The following CACNA1B variants were observed in gnomAD, a reference collection of about 807,000 sequenced individuals.
CACNA1B encodes the protein voltage-dependent N-type calcium channel subunit alpha-1B.
CACNA1B carries 70 observed loss-of-function variants against 247.2 expected under a neutral mutation model. The ratio of observed to expected loss-of-function variants is 0.28; its 90% CI spans 0.23 to 0.35. The LOEUF (loss-of-function observed/expected upper bound fraction) is 0.35. Ranked by LOEUF, CACNA1B falls within the 10% of genes least tolerant of loss-of-function variation. The pLI is 1.00. For missense variants in CACNA1B, 2,367 were observed against 3,197.4 expected, an observed-to-expected ratio of 0.74 and a Z score of 6.26; for synonymous variants, 1,231 against 1,294.4, an observed-to-expected ratio of 0.95 and a Z score of 1.05.
At chr9:138,060,390 C>T (rs1959679493) in intron 31 of CACNA1B, among the ~76,000 whole-genome samples, 1 of 152,078 alleles carries the variant, frequency 6.6e-6, no homozygotes, top group Admixed American at 6.6e-5. Flanking sequence ...AGTTATGTTC[C>T]CAGTAGAAAC....
rs1957863056 is a variant in CACNA1B, at chr9:137,950,171, G to T, written c.967-2103G>T. ...GTGTTCTCCTTACTGCTGGGCGGGG[G>T]TGGCCGGTCTGGCTCCCCACCATGC... On this transcript the variant is annotated intron_variant, in intron 6 of 46. Transcript: ENST00000371372. This position sits in a 1 kb window ranked among gnomAD's most constrained non-coding sequence, Gnocchi z 4.8. Among the ~76,000 whole-genome samples, 1 of 152,180 alleles carries T rather than the reference G, an allele frequency of 6.6e-6. No individual in the cohort carries two copies. The highest frequency in any genetic ancestry group is 2.1e-4 in the South Asian group (1 of 4,832).
chr9:137,991,383 A>G (rs1958430480), intron 15 of CACNA1B, among the ~76,000 whole-genome samples: 1 of 152,236 alleles, frequency 6.6e-6, no homozygotes, highest in South Asian at 2.1e-4. Flanking sequence ...CAGAGACAGA[A>G]GAATTTCAAA....
chr9:137,939,584 G>A (rs1157845939), intron 6 of CACNA1B, among the ~76,000 whole-genome samples: 2 of 151,918 alleles, frequency 1.3e-5, no homozygotes, highest in Non-Finnish European at 2.9e-5. Context: ...TGGATCACGA[G>A]GTCAGGAGAT....
Position 138,024,856 on chromosome 9 carries a change from A to G in CACNA1B, c.3069-99A>G, listed in dbSNP as rs1958900797. 9.9e-6 allele frequency: 8 copies of G among 812,128 alleles called. No homozygotes were observed. In the East Asian group the frequency reaches 2.1e-4, roughly 22 times the overall value. 50.3% of individuals were successfully genotyped at this position (812,128 alleles called of 1,614,324 possible). On this transcript the variant is annotated intron_variant, in intron 19 of 46. Coordinates refer to ENST00000371372, the MANE Select transcript of CACNA1B (RefSeq NM_000718.4). ...GCCATATTCCCCAGGCTGGTCTTGA[A>G]CTCCTGGGCTCAAGTGATCCTCCTG... is the stretch of plus-strand genomic sequence containing the variant.
At chr9:138,006,715 T>G in intron 15 of CACNA1B, 52 bp from the exon 16 acceptor site, 1 of 985,408 alleles carries the variant, frequency 1.0e-6, no homozygotes, top group Non-Finnish European at 1.6e-6. Flanking sequence ...GGTGCGTGTG[T>G]GTGGGGAAGG....
At chr9:138,092,976 A>G (rs2131338053) in intron 36 of CACNA1B, among the ~76,000 whole-genome samples, 1 of 152,340 alleles carries the variant, frequency 6.6e-6, no homozygotes, top group Non-Finnish European at 1.5e-5. Context: ...CAAGTGATTA[A>G]TATCCATTTC....
rs528379840 is a variant in CACNA1B at position 138,073,222 on chromosome 9, T to A, written c.4675-266T>A. Among the ~76,000 whole-genome samples the A allele has an allele frequency of 1.3e-5, 2 of 152,030 alleles. No individual in the cohort carries two copies. Among genetic ancestry groups the A allele is most frequent in the Non-Finnish European group, 2.9e-5 (2 of 67,994 alleles). ...GAACTTTTCTTTCTGTTGCTCACGG[T>A]TGGGGGTGGGGAGGGGCCTTAGAGC... On this transcript the variant is annotated intron_variant, in intron 32 of 46. Transcript: ENST00000371372. This position sits in a 1 kb window ranked among gnomAD's most constrained non-coding sequence, Gnocchi z 6.4.
At chr9:138,095,873 C>G (rs1019550903) in intron 36 of CACNA1B, among the ~76,000 whole-genome samples, 1 of 129,580 alleles carries the variant, frequency 7.7e-6, no homozygotes, top group Non-Finnish European at 1.5e-5. Flanking sequence ...TTGTGTGATT[C>G]CTTTATGTGA....
At chr9:137,936,245 G>A (rs1008373547) in intron 6 of CACNA1B, among the ~76,000 whole-genome samples, 2 of 152,214 alleles carry the variant, frequency 1.3e-5, no homozygotes, top group African/African-American at 4.8e-5. Context: ...GATGACCAGT[G>A]ATGATGAGCG....
At chr9:138,044,028 G>A (rs980719477) in intron 21 of CACNA1B, 128 bp downstream of exon 21, 4 of 1,284,876 alleles carry the variant, frequency 3.1e-6, no homozygotes, top group Non-Finnish European at 2.2e-6. Context: ...AAATCCCATG[G>A]CAGACCCCAG....
chr9:138,105,649 G>T lies in CACNA1B; in HGVS notation c.5320-50G>T, dbSNP rs758600980. 6 of 989,544 alleles carry T rather than the reference G, an allele frequency of 6.1e-6. 1 individual carries two copies. The highest frequency in any genetic ancestry group is 2.7e-5 in the South Asian group (2 of 72,852). 61.3% of individuals were successfully genotyped at this position (989,544 alleles called of 1,614,324 possible). A position where few individuals can be genotyped will look rare whatever the true frequency, so the allele number is the denominator to read the frequency against. ...CCCCATCATTGCGTAGTCTTGGGGT[G>T]GGGGGTGACCCCAGCAGGCCTGGCC... On this transcript the variant is annotated intron_variant, in intron 38 of 46. Coordinates refer to ENST00000371372, the MANE Select transcript of CACNA1B (RefSeq NM_000718.4).
At chr9:138,009,732 G>T (rs1464180204) in intron 16 of CACNA1B, among the ~76,000 whole-genome samples, 1 of 152,214 alleles carries the variant, frequency 6.6e-6, no homozygotes, top group Non-Finnish European at 1.5e-5. Context: ...AAAGAGCTGG[G>T]TTGGGGGAAG....
intron 6 of CACNA1B, among the ~76,000 whole-genome samples, chr9:137,947,707 T>A (rs1158564249): frequency 6.6e-6 from 1 of 152,140 alleles, no homozygotes; most frequent in African/African-American, 2.4e-5. Flanking sequence ...TCTTGGTGGG[T>A]ATAGGTGTCT....
Position 138,050,952 on chromosome 9 carries a change from C to G in CACNA1B, c.3711-1140C>G, listed in dbSNP as rs1310527844. ...TGTAGCTCACTCTCCCTGCTCAGCC[C>G]CAAGTGTTGCTGGAGCCCCAGGAAG... On this transcript the variant is annotated intron_variant, in intron 24 of 46. Coordinates refer to ENST00000371372, the MANE Select transcript of CACNA1B (RefSeq NM_000718.4). The surrounding 1 kb of genome is among the most constrained non-coding windows in gnomAD (Gnocchi z 5.2). Among the ~76,000 whole-genome samples, 1 of 152,104 alleles carries G rather than the reference C, an allele frequency of 6.6e-6. No individual in the cohort carries two copies. The highest frequency in any genetic ancestry group is 1.5e-5 in the Non-Finnish European group (1 of 68,008).
rs550580979 is a variant in CACNA1B, at chr9:137,954,397, C to T, written c.1071-1301C>T. 7.2e-5 allele frequency among the ~76,000 whole-genome samples: 11 copies of T among 152,350 alleles called. No individual in the cohort carries two copies. Among genetic ancestry groups the T allele is most frequent in the East Asian group, 3.9e-4 (2 of 5,176 alleles). On this transcript the variant is annotated intron_variant, in intron 7 of 46. Transcript: ENST00000371372. The surrounding 1 kb of genome is among the most constrained non-coding windows in gnomAD (Gnocchi z 4.1). ...TCCCAGAGAAGCAGAAGAGGTGGCCCCTGTCCTGCCTCTTCTCACCCAGCG... is the reference window on the plus strand; with the variant it reads ...TCCCAGAGAAGCAGAAGAGGTGGCCTCTGTCCTGCCTCTTCTCACCCAGCG...
At chr9:138,106,870 G>A (rs536269446) in intron 39 of CACNA1B, among the ~76,000 whole-genome samples, 1 of 152,302 alleles carries the variant, frequency 6.6e-6, no homozygotes, top group Admixed American at 6.5e-5. Flanking sequence ...CCACATGCTG[G>A]GGGCTCTTCC....
In CACNA1B at chr9:138,023,712, A is replaced by C. The variant is rs1171832690; in HGVS notation, c.2969A>C (p.Glu990Ala). Residue 990 changes from glutamate to alanine, a missense_variant, in exon 19 of 47, where the codon GAG becomes GCG. By Grantham distance (107) the Glu-to-Ala change is moderately radical. Transcript: ENST00000371372. ...RARHKAQPAH[E>A]AVEKETTEKE... ...CGGCACAAGGCGCAGCCTGCTCACG[A>C]GGCTGTGGAGAAGGAGACCACGGAG... The C allele has an allele frequency of 2.6e-6, 4 of 1,542,862 alleles. No individual in the cohort carries two copies. In the East Asian group the frequency reaches 7.5e-5, roughly 29 times the overall value.
At chr9:138,067,874 A>C (rs1959975199) in intron 31 of CACNA1B, among the ~76,000 whole-genome samples, 1 of 152,184 alleles carries the variant, frequency 6.6e-6, no homozygotes, top group African/African-American at 2.4e-5. Flanking sequence ...GCATTTTCAC[A>C]CAAGTGTTCC....
At position 138,051,383 on chromosome 9, in the gene CACNA1B, G is replaced by A. The variant is rs1384650108; in HGVS notation, c.3711-709G>A. Among the ~76,000 whole-genome samples the A allele has an allele frequency of 6.6e-6, 1 of 151,398 alleles. No homozygotes were observed. The highest frequency in any genetic ancestry group is 1.5e-5 in the Non-Finnish European group (1 of 67,878). On this transcript the variant is annotated intron_variant, in intron 24 of 46. Transcript: ENST00000371372. The surrounding 1 kb of genome is among the most constrained non-coding windows in gnomAD (Gnocchi z 4.3). ...TCTTTCCCCGACTTCCTGCCTTGCC[G>A]TCCCTGCTCTGCATGAGTTTTCCTG... is the stretch of plus-strand genomic sequence containing the variant.
Sources: gnomAD v4.1 joint callset for allele counts (sites outside exome capture counted in the v4.1 genomes callset) on GRCh38, gnomAD v4.1.1 for gene constraint, Gnocchi (gnomAD v3.1) non-coding constraint, MANE v1.5 for transcripts, NCBI Gene and HGNC (gene_info 2026-07-23, HGNC 2026-07-21) for gene names.